The following GPAM variants were observed in gnomAD, a reference collection of about 807,000 sequenced individuals.
GPAM encodes glycerol-3-phosphate acyltransferase 1, mitochondrial.
In GPAM, 56 loss-of-function variants were observed where a neutral mutation model predicts 105.0. That is an observed-to-expected ratio of 0.53 (90% CI 0.43 to 0.67). GPAM has a LOEUF of 0.67. Among genes scored for constraint, GPAM ranks in the 30% least tolerant of loss-of-function variants. The probability of loss-of-function intolerance (pLI) is 0.00; values close to 1 mark genes in which losing one functional copy is unlikely to be tolerated. For missense variants in GPAM, 855 were observed against 989.8 expected, an observed-to-expected ratio of 0.86 and a Z score of 1.83; for synonymous variants, 368 against 354.4, an observed-to-expected ratio of 1.04 and a Z score of -0.43.
chr10:112,184,963 C>T (rs375482490), upstream of GPAM, among the ~76,000 whole-genome samples: 11 of 152,244 alleles, frequency 7.2e-5, no homozygotes, highest in East Asian at 1.5e-3. Flanking sequence ...CTAAAGTTTG[C>T]ACAGGGTAGG....
chr10:112,154,656 A>G lies in GPAM; in HGVS notation c.2343T>C (p.Asn781=), dbSNP rs773749498. 2.5e-6 allele frequency: 4 copies of G among 1,609,808 alleles called. No individual in the cohort carries two copies. Among genetic ancestry groups the G allele is most frequent in the Non-Finnish European group, 3.4e-6 (4 of 1,176,068 alleles). ...CAATATCCTTAAACATTTTCACAGC[A>G]TTCTTCACAAGACAATATGTGGCAC... The part of the protein sequence containing the change: ...AESATYCLVK[N]AVKMFKDIGV... The change falls in exon 21 of 22, where the codon AAT becomes AAC. Residue 781 remains asparagine (N), a synonymous_variant. Transcript: ENST00000348367.
Position 112,166,481 on chromosome 10 carries a change from A to C in GPAM, c.1142T>G (p.Val381Gly). The C allele has an allele frequency of 6.2e-7, 1 of 1,611,460 alleles. No individual in the cohort carries two copies. Among genetic ancestry groups the C allele is most frequent in the Non-Finnish European group, 8.5e-7 (1 of 1,177,506 alleles). The change falls in exon 12 of 22, where the codon GTA (valine) becomes GGA (glycine). Residue 381 changes from valine (V) to glycine (G), a missense_variant. Val to Gly is a moderately radical substitution (Grantham distance 109, BLOSUM62 -3). Coordinates refer to ENST00000348367, the MANE Select transcript of GPAM (RefSeq NM_001244949.2). ...TAACATTCTAATAACACCTCTTGCT[A>C]CACTCCACAGGCTCTCATTCTTCTT... ...KPKKNESLWS[V>G]ARGVIRMLRK...
intron 1 of GPAM, among the ~76,000 whole-genome samples, chr10:112,210,122 G>T (rs1013785544): frequency 6.6e-6 from 1 of 152,250 alleles, no homozygotes; most frequent in African/African-American, 2.4e-5. Context: ...CCAGTACCAC[G>T]TGGTGGGAAT....
chr10:112,210,517 G>A (rs1359873738), intron 1 of GPAM, among the ~76,000 whole-genome samples: 1 of 152,168 alleles, frequency 6.6e-6, no homozygotes, highest in Admixed American at 6.5e-5. Context: ...GGGGGATATT[G>A]GATAACAGAC....
rs149821502 is a variant in GPAM, at chr10:112,151,673, G to A, written c.*1877C>T. On this transcript the variant is annotated 3_prime_UTR_variant, in exon 22 of 22. Coordinates refer to ENST00000348367, the MANE Select transcript of GPAM (RefSeq NM_001244949.2). ...GCAATGACAGGCAGGGCAGAGTGTC[G>A]ACTGGGAAGCGAGTCCCAATCTTGA... The A allele has an allele frequency of 6.4e-3, 6,332 of 985,114 alleles. 34 individuals carry two copies. The highest frequency in any genetic ancestry group is 7.3e-3 in the Non-Finnish European group (6,054 of 829,686). The allele number at this position is 985,114 out of a possible 1,614,324, so 61.0% of individuals were successfully genotyped here. A position where few individuals can be genotyped will look rare whatever the true frequency, so the allele number is the denominator to read the frequency against.
chr10:112,216,099 G>T (rs1289518534), upstream of GPAM, among the ~76,000 whole-genome samples: 1 of 152,148 alleles, frequency 6.6e-6, no homozygotes, highest in Non-Finnish European at 1.5e-5. Flanking sequence ...TTGTTGCAAA[G>T]ACTACATGCA....
intron 9 of GPAM, among the ~76,000 whole-genome samples, chr10:112,171,497 C>G (rs1847312287): frequency 6.6e-6 from 1 of 152,166 alleles, no homozygotes; most frequent in Non-Finnish European, 1.5e-5. Flanking sequence ...ACTCTAATCT[C>G]TTGGCTTAGA....
chr10:112,150,388 C>T lies in GPAM; in HGVS notation c.*3162G>A, dbSNP rs1175716096. The T allele has an allele frequency of 1.4e-5, 14 of 985,556 alleles. No individual in the cohort carries two copies. The highest frequency in any genetic ancestry group is 1.6e-5 in the Non-Finnish European group (13 of 829,764). 61.1% of individuals were successfully genotyped at this position (985,556 alleles called of 1,614,324 possible). A position where few individuals can be genotyped will look rare whatever the true frequency, so the allele number is the denominator to read the frequency against. On this transcript the variant is annotated 3_prime_UTR_variant, in exon 22 of 22. Coordinates refer to ENST00000348367, the MANE Select transcript of GPAM (RefSeq NM_001244949.2). ...AGTGAAAAAGCCAGGATCATTGGGG[C>T]TGTTCTCTCTATCAAAGGAAAGAGC... is the stretch of plus-strand genomic sequence containing the variant.
At chr10:112,190,513 A>C (rs73353079) in intron 1 of GPAM, among the ~76,000 whole-genome samples, 21 of 150,930 alleles carry the variant, frequency 1.4e-4, no homozygotes, top group South Asian at 6.3e-4. Context: ...AAAAAAAAAA[A>C]AGAAAAGAAA....
chr10:112,171,354 T>C (rs895474251), intron 9 of GPAM, among the ~76,000 whole-genome samples: 17 of 152,174 alleles, frequency 1.1e-4, no homozygotes, highest in African/African-American at 4.1e-4. Context: ...CCAAAAACAA[T>C]ACTACAATTT....
chr10:112,221,682 C>T, the GPAM span, among the ~76,000 whole-genome samples: 1 of 139,914 alleles, frequency 7.1e-6, no homozygotes, highest in Non-Finnish European at 1.5e-5. Context: ...CATTGTATAC[C>T]CCAGAACAGT....
intron 4 of GPAM, among the ~76,000 whole-genome samples, chr10:112,178,662 G>A (rs1391930481): frequency 6.6e-6 from 1 of 152,194 alleles, no homozygotes; most frequent in East Asian, 1.9e-4. Flanking sequence ...AAGAAGTGAA[G>A]CTACAAGAAT....
upstream of GPAM, among the ~76,000 whole-genome samples, chr10:112,185,075 A>G (rs1847575608): frequency 6.6e-6 from 1 of 152,178 alleles, no homozygotes; most frequent in Non-Finnish European, 1.5e-5. Flanking sequence ...AAAACCTCAT[A>G]ATTCACAACT....
intron 9 of GPAM, 65 bp from the exon 10 acceptor site, chr10:112,169,017 G>C (rs903363864): frequency 2.8e-6 from 3 of 1,090,006 alleles, no homozygotes; most frequent in Non-Finnish European, 4.2e-6. Context: ...CACATTCCAA[G>C]TTAATTGAAA....
chr10:112,154,533 C>A, intron 21 of GPAM, 96 bp downstream of exon 21: 1 of 904,034 alleles, frequency 1.1e-6, no homozygotes, highest in East Asian at 2.5e-5. Context: ...CTGCTTCTCT[C>A]GGGGTCCACC....
At position 112,168,892 on chromosome 10, in the gene GPAM, A is replaced by G. The variant is rs751927894; in HGVS notation, c.855T>C (p.Asp285=). ...FIRRRLDETP[D]GRKDVLYRAL... ...CTCTATAGAGAACATCTTTCCGTCC[A>G]TCTGGTGTTTCATCGAGCCTTCGTC... is the stretch of plus-strand genomic sequence containing the variant. The change falls in exon 10 of 22, where the codon GAT becomes GAC. Residue 285 remains aspartate, a synonymous_variant. Coordinates refer to ENST00000348367, the MANE Select transcript of GPAM (RefSeq NM_001244949.2). 1.3e-5 allele frequency: 21 copies of G among 1,612,140 alleles called. No homozygotes were observed. Among genetic ancestry groups the G allele is most frequent in the Admixed American group, 6.7e-5 (4 of 60,008 alleles).
chr10:112,227,646 A>G, the GPAM span, among the ~76,000 whole-genome samples: 5 of 152,212 alleles, frequency 3.3e-5, no homozygotes, highest in African/African-American at 1.2e-4. Flanking sequence ...GAAGACACGC[A>G]CTGAGCAGTT....
rs140996640 is a variant in GPAM at position 112,181,728 on chromosome 10, T to C, written c.57A>G (p.Ser19=). The C allele has an allele frequency of 9.9e-6, 16 of 1,611,328 alleles. No homozygotes were observed. The African/African-American group carries it at 2.0e-4, about 20-fold the overall frequency. Residue 19 remains serine (S), a synonymous_variant, in exon 3 of 22, where the codon TCA becomes TCG. Coordinates refer to ENST00000348367, the MANE Select transcript of GPAM (RefSeq NM_001244949.2). ...TACATCGACCAACACTGTATTCTGA[T>C]GAATGTGGCAGATAAGAAACATCTA... is the stretch of plus-strand genomic sequence containing the variant. ...GTIDVSYLPH[S]SEYSVGRCKH...
intron 1 of GPAM, among the ~76,000 whole-genome samples, chr10:112,209,995 T>A (rs1261491267): frequency 6.6e-6 from 1 of 152,166 alleles, no homozygotes; most frequent in Non-Finnish European, 1.5e-5. Context: ...AAAGGGCTCC[T>A]GTCTGCCTGT....
Sources: gnomAD v4.1 joint callset for allele counts (sites outside exome capture counted in the v4.1 genomes callset) on GRCh38, gnomAD v4.1.1 for gene constraint, MANE v1.5 for transcripts, NCBI Gene and HGNC (gene_info 2026-07-23, HGNC 2026-07-21) for gene names.